The following COMMD10 variants were observed in gnomAD, a reference collection of about 807,000 sequenced individuals.
COMMD10 encodes COMM domain containing 10, also known as COMM domain-containing protein 10.
A neutral mutation model predicts 28.9 loss-of-function variants in COMMD10; 33 were observed. That is an observed-to-expected ratio of 1.14 (90% CI 0.87 to 1.53). COMMD10 has a LOEUF of 1.53. Ranked by LOEUF, COMMD10 falls within the 40% of genes most tolerant of loss-of-function variation. The pLI is 0.00. For missense variants in COMMD10, 310 were observed against 233.4 expected, an observed-to-expected ratio of 1.33 and a Z score of -2.14; for synonymous variants, 110 against 81.7, an observed-to-expected ratio of 1.35 and a Z score of -1.87.
At chr5:116,125,479 A>G (rs1751593706) in intron 4 of COMMD10, among the ~76,000 whole-genome samples, 2 of 152,088 alleles carry the variant, frequency 1.3e-5, no homozygotes, top group African/African-American at 4.8e-5. Flanking sequence ...GGCTGCCCTT[A>G]ACATTTTTTC....
chr5:116,136,634 C>T (rs1390374933), intron 5 of COMMD10, among the ~76,000 whole-genome samples: 22 of 152,010 alleles, frequency 1.4e-4, no homozygotes, highest in Admixed American at 1.4e-3. Context: ...AGTAAGACAG[C>T]CATGTTAATA....
intron 5 of COMMD10, among the ~76,000 whole-genome samples, chr5:116,290,273 A>G (rs1751329843): frequency 6.6e-6 from 1 of 151,944 alleles, no homozygotes; most frequent in African/African-American, 2.4e-5. Flanking sequence ...GTGACAGCCA[A>G]TGAATTTTTC....
intron 5 of COMMD10, among the ~76,000 whole-genome samples, chr5:116,164,743 T>C (rs1753037654): frequency 6.6e-6 from 1 of 151,636 alleles, no homozygotes; most frequent in African/African-American, 2.4e-5. Context: ...GTATCACCAC[T>C]TAACTAAGAG....
In COMMD10 at chr5:116,134,152, CTCGGAGTGAACAAT is replaced by C. The variant is rs765108020; in HGVS notation, c.485_498del (p.Leu162ArgfsTer20). 6.2e-7 allele frequency: 1 copy of C among 1,606,430 alleles called. No homozygotes were observed. Among genetic ancestry groups the C allele is most frequent in the African/African-American group, 1.3e-5 (1 of 74,812 alleles). On this transcript the variant is annotated frameshift_variant, in exon 5 of 7. Coordinates refer to ENST00000274458, the MANE Select transcript of COMMD10 (RefSeq NM_016144.4). LOFTEE classifies it high-confidence loss of function. ...AAAATCTCCTCAAGCTGTGTTACAA[CTCGGAGTGAACAAT>C]GAAGATTCAAAGGTAAGAAATGGTA...
chr5:116,102,651 T>C (rs186855894), intron 4 of COMMD10, among the ~76,000 whole-genome samples: 13 of 152,304 alleles, frequency 8.5e-5, no homozygotes, highest in Non-Finnish European at 1.3e-4. Context: ...TTGGGCAGTA[T>C]AGTCATTTTA....
chr5:116,100,253 A>G (rs529081705), intron 4 of COMMD10, among the ~76,000 whole-genome samples: 51 of 152,184 alleles, frequency 3.4e-4, no homozygotes, highest in African/African-American at 1.2e-3. Flanking sequence ...TTGCCTTTTC[A>G]TTTTGTTAAG....
At chr5:116,273,143 G>T in intron 5 of COMMD10, among the ~76,000 whole-genome samples, 1 of 151,816 alleles carries the variant, frequency 6.6e-6, no homozygotes, top group Non-Finnish European at 1.5e-5. Flanking sequence ...ATTTTTAAAT[G>T]AATGTCCTAT....
At chr5:116,255,063 T>C (rs1292213833) in intron 5 of COMMD10, among the ~76,000 whole-genome samples, 1 of 151,712 alleles carries the variant, frequency 6.6e-6, no homozygotes, top group East Asian at 1.9e-4. Flanking sequence ...TGGCCTTCTT[T>C]GTCTCTTTTG....
intron 5 of COMMD10, among the ~76,000 whole-genome samples, chr5:116,162,995 C>T (rs1207838408): frequency 2.0e-5 from 3 of 152,076 alleles, no homozygotes; most frequent in African/African-American, 7.2e-5. Flanking sequence ...GCTTATACTC[C>T]TCTCTCAGTT....
intron 5 of COMMD10, among the ~76,000 whole-genome samples, chr5:116,180,950 C>T (rs193110988): frequency 1.5e-3 from 222 of 152,052 alleles, no homozygotes; most frequent in Non-Finnish European, 2.2e-3. Context: ...CTTAGTAGTT[C>T]GAGACCAGCC....
chr5:116,168,592 G>A lies in COMMD10; in HGVS notation c.510+34414G>A, dbSNP rs1004615838. Among the ~76,000 whole-genome samples, 4 of 152,080 alleles carry A rather than the reference G, an allele frequency of 2.6e-5. No homozygotes were observed. In the East Asian group the frequency reaches 7.7e-4, roughly 29 times the overall value. ...TGACCACATAATTGGAAGTAAAACA[G>A]TCCTCAGCAAATGCAAAAGAATGGA... On this transcript the variant is annotated intron_variant, in intron 5 of 6. Coordinates refer to ENST00000274458, the MANE Select transcript of COMMD10 (RefSeq NM_016144.4).
At chr5:116,197,556 T>G (rs1748560327) in intron 5 of COMMD10, among the ~76,000 whole-genome samples, 1 of 151,930 alleles carries the variant, frequency 6.6e-6, no homozygotes, top group Non-Finnish European at 1.5e-5. Context: ...TTTATTTTAT[T>G]TTATTTTTTG....
At chr5:116,124,873 G>A (rs1335875049) in intron 4 of COMMD10, among the ~76,000 whole-genome samples, 1 of 152,086 alleles carries the variant, frequency 6.6e-6, no homozygotes, top group Non-Finnish European at 1.5e-5. Flanking sequence ...TTTTATCAGA[G>A]ACTAGGATTG....
chr5:116,112,110 A>C (rs966509893), intron 4 of COMMD10, among the ~76,000 whole-genome samples: 1 of 152,166 alleles, frequency 6.6e-6, no homozygotes, highest in African/African-American at 2.4e-5. Flanking sequence ...ACTTTTGACA[A>C]ATTCTCTTAG....
intron 5 of COMMD10, among the ~76,000 whole-genome samples, chr5:116,267,275 A>G (rs971856023): frequency 1.3e-5 from 2 of 151,940 alleles, no homozygotes; most frequent in African/African-American, 2.4e-5. Flanking sequence ...TCAATGTGCA[A>G]AAATCACAAG....
At chr5:116,145,145 G>A (rs1752304951) in intron 5 of COMMD10, among the ~76,000 whole-genome samples, 1 of 151,794 alleles carries the variant, frequency 6.6e-6, no homozygotes, top group African/African-American at 2.4e-5. Flanking sequence ...GGGAGAATGG[G>A]GCGGTTCTAG....
intron 5 of COMMD10, among the ~76,000 whole-genome samples, chr5:116,155,778 T>C (rs1752685728): frequency 6.6e-6 from 1 of 152,130 alleles, no homozygotes. Context: ...GTTTCTACTC[T>C]TGTAGGCTTT....
At chr5:116,267,427 C>A (rs986485114) in intron 5 of COMMD10, among the ~76,000 whole-genome samples, 1 of 151,748 alleles carries the variant, frequency 6.6e-6, no homozygotes, top group African/African-American at 2.4e-5. Context: ...AACTACAAAC[C>A]ACTGCTCAAC....
chr5:116,244,206 C>T (rs1181015347), intron 5 of COMMD10, among the ~76,000 whole-genome samples: 1 of 151,992 alleles, frequency 6.6e-6, no homozygotes, highest in East Asian at 1.9e-4. Context: ...AGACTGCTTT[C>T]TTTCATTTTT....
Sources: gnomAD v4.1 joint callset for allele counts (sites outside exome capture counted in the v4.1 genomes callset) on GRCh38, gnomAD v4.1.1 for gene constraint, MANE v1.5 for transcripts, NCBI Gene and HGNC (gene_info 2026-07-23, HGNC 2026-07-21) for gene names.